PPP1R12C: variants seen among roughly 807,000 people sequenced by gnomAD.
PPP1R12C encodes the protein protein phosphatase 1 regulatory subunit 12C.
PPP1R12C carries 48 observed loss-of-function variants against 95.6 expected under a neutral mutation model. The ratio of observed to expected loss-of-function variants is 0.50; its 90% confidence interval spans 0.40 to 0.64. The LOEUF is 0.64. PPP1R12C is among the 30% of genes least tolerant of loss of function. The pLI, the probability that PPP1R12C is intolerant of heterozygous loss-of-function variation, is 0.00. For synonymous variants in PPP1R12C, 480 were observed against 460.8 expected (o/e 1.04, Z -0.53); for missense variants, 1,057 against 1,083.3 (o/e 0.98, Z 0.34).
At chr19:55,116,391 G>T (rs947777989) in intron 1 of PPP1R12C, among the ~76,000 whole-genome samples, 1 of 152,122 alleles carries the variant, frequency 6.6e-6, no homozygotes, top group Non-Finnish European at 1.5e-5. Context: ...AAGTGCTCCG[G>T]AAAGAGCATC....
At chr19:55,104,180 G>GTATATATATATATATATA (rs756594022) in intron 3 of PPP1R12C, among the ~76,000 whole-genome samples, 2 of 72,822 alleles carry the variant, frequency 2.7e-5, no homozygotes, top group African/African-American at 9.2e-5. Flanking sequence ...AAAAAAAAAA[G>GTATATATATATATATATA]TATATATATA....
chr19:55,113,687 C>T, intron 1 of PPP1R12C: 1 of 1,036,236 alleles, frequency 9.7e-7, no homozygotes, highest in Non-Finnish European at 1.2e-6. Flanking sequence ...AGCTGCCCAT[C>T]TGGAGGAGGC....
Position 55,112,648 on chromosome 19 carries a change from G to A in PPP1R12C, c.452+17C>T. On this transcript the variant is annotated intron_variant, in intron 2 of 21. Coordinates refer to ENST00000263433, the MANE Select transcript of PPP1R12C (RefSeq NM_017607.4). ...CCCCACCCCGACCAGGTCCTGCCCG[G>A]CCCTCCCTTGCCTCACCTGGCGATA... 1 of 1,613,146 alleles carries A rather than the reference G, an allele frequency of 6.2e-7. No homozygotes were observed. The highest frequency in any genetic ancestry group is 2.2e-5 in the East Asian group (1 of 44,854).
At chr19:55,092,061 C>A in intron 19 of PPP1R12C, 152 bp from the exon 20 acceptor site, 1 of 1,175,156 alleles carries the variant, frequency 8.5e-7, no homozygotes. Context: ...GGCCCACAGC[C>A]CCATCCCCTC....
chr19:55,105,126 T>G (rs2085023913), intron 3 of PPP1R12C, among the ~76,000 whole-genome samples: 1 of 151,518 alleles, frequency 6.6e-6, no homozygotes, highest in African/African-American at 2.4e-5. Context: ...AGTACAGTGG[T>G]GCAATTATGG....
In PPP1R12C at chr19:55,092,638, G is replaced by C. The variant is rs1348781448; in HGVS notation, c.1936C>G (p.Arg646Gly). 5 of 1,534,666 alleles carry C rather than the reference G, an allele frequency of 3.3e-6. No individual in the cohort carries two copies. In the African/African-American group the frequency reaches 4.1e-5, roughly 13 times the overall value. ...AEGEEAEPAD[R>G]SQESSTLEGG... is the part of the protein sequence containing the mutation. The stretch of plus-strand genomic sequence containing the variant: ...CGCCCCTACCTGGACTCCTGGCTGC[G>C]GTCAGCCGGCTCCGCCTCCTCCCCC... The change falls in exon 17 of 22, where the codon CGC becomes GGC. Residue 646 changes from arginine to glycine, a missense_variant. By Grantham distance (125) the Arg-to-Gly change is moderately radical. Transcript: ENST00000263433.
chr19:55,099,138 C>T, intron 4 of PPP1R12C, 43 bp from the exon 5 acceptor site: 1 of 1,466,716 alleles, frequency 6.8e-7, no homozygotes, highest in South Asian at 1.4e-5. Flanking sequence ...AAGGCGGGGC[C>T]CTTGGCCGAG....
intron 3 of PPP1R12C, chr19:55,111,296 T>C (rs146775186): frequency 1.3e-3 from 204 of 152,156 alleles, no homozygotes; most frequent in African/African-American, 4.8e-3. Flanking sequence ...TTTGGGTGAA[T>C]TGTAGGGTAG....
chr19:55,098,087 A>G (rs1027935969), intron 6 of PPP1R12C, among the ~76,000 whole-genome samples: 1 of 152,158 alleles, frequency 6.6e-6, no homozygotes, highest in African/African-American at 2.4e-5. Context: ...ACGCACCAGA[A>G]GCCCTAGGCC....
At chr19:55,108,709 TTTTG>T (rs1232893098) in intron 3 of PPP1R12C, among the ~76,000 whole-genome samples, 1 of 152,118 alleles carries the variant, frequency 6.6e-6, no homozygotes, top group African/African-American at 2.4e-5. Flanking sequence ...TTTTGTCTTG[TTTTG>T]TTTTTTGTTT....
intron 3 of PPP1R12C, among the ~76,000 whole-genome samples, chr19:55,110,869 C>CA (rs111683513): frequency 0.078 from 5,008 of 64,216 alleles, 184 homozygotes; most frequent in African/African-American, 0.2. Context: ...AACTCTGTTT[C>CA]AAAAAAAAAA....
intron 3 of PPP1R12C, among the ~76,000 whole-genome samples, chr19:55,104,992 G>T (rs960435106): frequency 2.6e-5 from 4 of 151,372 alleles, no homozygotes; most frequent in Non-Finnish European, 5.9e-5. Flanking sequence ...GGCTGGTCTT[G>T]AACTCCTGAC....
At chr19:55,100,173 AC>A (rs149892038) in intron 4 of PPP1R12C, among the ~76,000 whole-genome samples, 6,075 of 151,148 alleles carry the variant, frequency 0.04, 437 homozygotes, top group African/African-American at 0.14. Flanking sequence ...GGCAGTCACC[AC>A]CCCCTCATCC....
intron 4 of PPP1R12C, among the ~76,000 whole-genome samples, chr19:55,101,146 G>A (rs535305451): frequency 2.0e-4 from 31 of 152,162 alleles, no homozygotes; most frequent in African/African-American, 6.7e-4. Context: ...TACTCAGGAG[G>A]TTGAGGCAGG....
rs186060144 is a variant in PPP1R12C at position 55,104,455 on chromosome 19, C to T, written c.572-887G>A. ...CAACGGCTCATGCCTGTAATCCCAA[C>T]ACTTTGGGAGACCAAGGTGGGCAGA... On this transcript the variant is annotated intron_variant, in intron 3 of 21. Transcript: ENST00000263433. Among the ~76,000 whole-genome samples, 5 of 151,666 alleles carry T rather than the reference C, an allele frequency of 3.3e-5. 1 individual carries two copies. The highest frequency in any genetic ancestry group is 6.8e-3 in the Middle Eastern group (2 of 294).
chr19:55,092,853 C>T lies in PPP1R12C; in HGVS notation c.1841G>A (p.Gly614Glu). 1 of 1,579,702 alleles carries T rather than the reference C, an allele frequency of 6.3e-7. No individual in the cohort carries two copies. Among genetic ancestry groups the T allele is most frequent in the Non-Finnish European group, 8.6e-7 (1 of 1,163,588 alleles). Residue 614 changes from glycine to glutamate, a missense_variant, in exon 16 of 22, where the codon GGG becomes GAG. Around this residue, in one of 5 missense-constraint regions of PPP1R12C, gnomAD observed 347 missense variants for 307.9 expected, o/e 1.13. Transcript: ENST00000263433. ...SPAQRAEAPDGQGPGPQAARE... is the reference protein window; with the variant it reads ...SPAQRAEAPDEQGPGPQAARE... ...GGCCGCCTGCGGTCCCGGACCCTGC[C>T]CGTCGGGCGCCTCTGCTGGGGGAGG...
chr19:55,093,031 T>C lies in PPP1R12C; in HGVS notation c.1810A>G (p.Ser604Gly). The C allele has an allele frequency of 6.3e-7, 1 of 1,585,628 alleles. No homozygotes were observed. The highest frequency in any genetic ancestry group is 8.6e-7 in the Non-Finnish European group (1 of 1,164,650). ...CAGACCTCACCTCTCTGGGCAGGGCTGTCAGAGTTCTCCACTCCAGGGACG... is the reference window on the plus strand; with the variant it reads ...CAGACCTCACCTCTCTGGGCAGGGCCGTCAGAGTTCTCCACTCCAGGGACG... The part of the protein sequence containing the change: ...PRVPGVENSD[S>G]PAQRAEAPDG... Residue 604 changes from serine to glycine, a missense_variant, in exon 15 of 22, where the codon AGC (serine) becomes GGC (glycine). By Grantham distance (56) the Ser-to-Gly change is moderately conservative. This residue lies in a region of PPP1R12C where 347 missense variants were observed against 307.9 expected (regional missense o/e 1.13). Coordinates refer to ENST00000263433, the MANE Select transcript of PPP1R12C (RefSeq NM_017607.4).
Position 55,091,856 on chromosome 19 carries a change from C to T in PPP1R12C, c.2211+3G>A. ...GGCCCCCATCCCCACTGCCCCTACT[C>T]ACGAATCTCTCCAGTTCCAGGAGGG... On this transcript the variant is annotated splice_donor_region_variant and intron_variant, in intron 20 of 21. Coordinates refer to ENST00000263433, the MANE Select transcript of PPP1R12C (RefSeq NM_017607.4). The T allele has an allele frequency of 6.2e-7, 1 of 1,613,472 alleles. No homozygotes were observed. Among genetic ancestry groups the T allele is most frequent in the Non-Finnish European group, 8.5e-7 (1 of 1,180,014 alleles).
chr19:55,103,096 G>A (rs1332921250), intron 4 of PPP1R12C, among the ~76,000 whole-genome samples: 2 of 152,140 alleles, frequency 1.3e-5, no homozygotes, highest in Admixed American at 6.5e-5. Context: ...AGGAGGCTGA[G>A]GTAGGAGGAT....
Sources: gnomAD v4.1 joint callset for allele counts (sites outside exome capture counted in the v4.1 genomes callset) on GRCh38, gnomAD v4.1.1 for gene constraint, gnomAD v4.1.1 regional missense constraint, MANE v1.5 for transcripts, NCBI Gene and HGNC (gene_info 2026-07-23, HGNC 2026-07-21) for gene names.